PCDH17: variants seen among roughly 807,000 people sequenced by gnomAD.
PCDH17 encodes protocadherin-17.
A neutral mutation model predicts 67.7 loss-of-function variants in PCDH17; 21 were observed. That is an observed-to-expected ratio of 0.31 (90% CI 0.22 to 0.45). The LOEUF is 0.45. Ranked by LOEUF, PCDH17 falls within the 20% of genes least tolerant of loss-of-function variation. PCDH17 has a pLI of 1.00. For synonymous variants in PCDH17, 701 were observed against 656.7 expected (o/e 1.07, Z -1.03); for missense variants, 1,471 against 1,564.8 (o/e 0.94, Z 1.01).
chr13:57,633,559 CG>C lies in PCDH17; in HGVS notation c.1015del (p.Val339SerfsTer23). The C allele has an allele frequency of 6.2e-7, 1 of 1,613,730 alleles. No individual in the cohort carries two copies. Among genetic ancestry groups the C allele is most frequent in the Non-Finnish European group, 8.5e-7 (1 of 1,180,034 alleles). ...CCTATCCCAGCCCACTGCAAAGTCA[CG>C]GTCAAGCTCATCGACCGCAACGACA... ...PNPIPAHCKV[T>X]VKLIDRNDNA... On this transcript the variant is annotated frameshift_variant, in exon 1 of 4. Coordinates refer to ENST00000377918, the MANE Select transcript of PCDH17 (RefSeq NM_001040429.3). LOFTEE classifies it high-confidence loss of function. This position sits in a 1 kb window ranked among gnomAD's most constrained non-coding sequence, Gnocchi z 6.2.
At chr13:57,711,755 C>T (rs1343328037) in intron 3 of PCDH17, among the ~76,000 whole-genome samples, 1 of 150,840 alleles carries the variant, frequency 6.6e-6, no homozygotes, top group Admixed American at 6.6e-5. Context: ...CATTTTGTCT[C>T]TATGTTATAA....
intron 3 of PCDH17, among the ~76,000 whole-genome samples, chr13:57,672,582 G>A (rs1032572589): frequency 2.0e-5 from 3 of 151,958 alleles, no homozygotes; most frequent in African/African-American, 7.2e-5. Context: ...GTGCCCACCT[G>A]GGGACGAATG....
intron 3 of PCDH17, 82 bp from the exon 4 acceptor site, chr13:57,724,530 A>G: frequency 8.9e-7 from 1 of 1,126,392 alleles, no homozygotes; most frequent in Non-Finnish European, 1.3e-6. Flanking sequence ...AAGCAAGCCC[A>G]TTGAGAGCTG....
rs142577089 is a variant in PCDH17, at chr13:57,681,944, G to A, written c.2797+15111G>A. Among the ~76,000 whole-genome samples the A allele has an allele frequency of 4.5e-3, 689 of 151,800 alleles. 3 individuals carry two copies. Among genetic ancestry groups the A allele is most frequent in the African/African-American group, 0.016 (661 of 41,470 alleles). ...CACAAATTTAATTCCCCTTTAATGA[G>A]ACTCTACAATGTACAAAACTCTGTA... On this transcript the variant is annotated intron_variant, in intron 3 of 3. Coordinates refer to ENST00000377918, the MANE Select transcript of PCDH17 (RefSeq NM_001040429.3).
chr13:57,667,614 C>G (rs1486628375), intron 3 of PCDH17, among the ~76,000 whole-genome samples: 2 of 151,660 alleles, frequency 1.3e-5, no homozygotes, highest in Admixed American at 6.6e-5. Context: ...TAACAGTCTT[C>G]AGAACATTAG....
At chr13:57,720,533 G>A (rs954534780) in intron 3 of PCDH17, among the ~76,000 whole-genome samples, 2 of 151,508 alleles carry the variant, frequency 1.3e-5, no homozygotes, top group African/African-American at 4.8e-5. Flanking sequence ...ATAAAATATT[G>A]TCTTGTTTAT....
At chr13:57,641,576 AAAAAAAAAAAAATATATAT>A (rs1277604020) in intron 1 of PCDH17, among the ~76,000 whole-genome samples, 20 of 81,550 alleles carry the variant, frequency 2.5e-4, no homozygotes, top group African/African-American at 9.1e-4. Flanking sequence ...AAAAAAAAAA[AAAAAAAAAAAAATATATAT>A]ATATATATAT....
In PCDH17 at chr13:57,713,944, G is replaced by A. The variant is rs181664474; in HGVS notation, c.2798-10668G>A. Among the ~76,000 whole-genome samples the A allele has an allele frequency of 1.2e-4, 18 of 151,546 alleles. No individual in the cohort carries two copies. The East Asian group carries it at 2.9e-3, about 25-fold the overall frequency. On this transcript the variant is annotated intron_variant, in intron 3 of 3. Transcript: ENST00000377918. The stretch of plus-strand genomic sequence containing the variant: ...GAAAATACTTGTCTGAGCAAGACAC[G>A]GATCTGTTCGTGTACACATGCCCAC...
chr13:57,664,813 T>G (rs1955229758), intron 1 of PCDH17, among the ~76,000 whole-genome samples: 1 of 152,238 alleles, frequency 6.6e-6, no homozygotes, highest in Admixed American at 6.5e-5. Flanking sequence ...AATTATAGTT[T>G]AAAAATTTTT....
At chr13:57,642,227 G>T (rs895471663) in intron 1 of PCDH17, among the ~76,000 whole-genome samples, 1 of 151,554 alleles carries the variant, frequency 6.6e-6, no homozygotes, top group Non-Finnish European at 1.5e-5. Context: ...TTTTTAATTA[G>T]TGGAACACAT....
intron 1 of PCDH17, among the ~76,000 whole-genome samples, chr13:57,657,305 T>C (rs560829752): frequency 6.6e-6 from 1 of 152,292 alleles, no homozygotes; most frequent in Admixed American, 6.5e-5. Flanking sequence ...CTCAATATTG[T>C]AAGAATACCC....
intron 3 of PCDH17, among the ~76,000 whole-genome samples, chr13:57,668,486 C>T: frequency 6.6e-6 from 1 of 152,090 alleles, no homozygotes; most frequent in East Asian, 1.9e-4. Context: ...TCATGCCAAC[C>T]ACTAACTTAG....
chr13:57,706,477 T>C (rs963234258), intron 3 of PCDH17, among the ~76,000 whole-genome samples: 4 of 152,164 alleles, frequency 2.6e-5, no homozygotes, highest in African/African-American at 9.6e-5. Flanking sequence ...ATTAGTTTCC[T>C]AGGGCTGCTA....
chr13:57,645,622 G>A (rs1470562019), intron 1 of PCDH17, among the ~76,000 whole-genome samples: 1 of 151,172 alleles, frequency 6.6e-6, no homozygotes, highest in African/African-American at 2.4e-5. Flanking sequence ...CATGGAGAAA[G>A]ACAGGTGATC....
At chr13:57,647,524 CT>C (rs1183163310) in intron 1 of PCDH17, among the ~76,000 whole-genome samples, 6 of 151,704 alleles carry the variant, frequency 4.0e-5, no homozygotes, top group African/African-American at 1.5e-4. Flanking sequence ...AAATGTTTAA[CT>C]ATATGCACAT....
intron 3 of PCDH17, among the ~76,000 whole-genome samples, chr13:57,692,747 G>A (rs1054781581): frequency 6.6e-6 from 1 of 150,524 alleles, no homozygotes; most frequent in Non-Finnish European, 1.5e-5. Context: ...CTTTCAAAGG[G>A]GAGAAGAAAA....
Position 57,632,538 on chromosome 13 carries a change from A to G in PCDH17, c.-9A>G, listed in dbSNP as rs1954739815. ...CCGATTGCTCCTGCCCCCACCTTAC[A>G]GGTCTGGGATGTACCTTTCCATCTG... On this transcript the variant is annotated 5_prime_UTR_variant, in exon 1 of 4. Coordinates refer to ENST00000377918, the MANE Select transcript of PCDH17 (RefSeq NM_001040429.3). 1.2e-6 allele frequency: 2 copies of G among 1,611,244 alleles called. No homozygotes were observed. The highest frequency in any genetic ancestry group is 1.7e-6 in the Non-Finnish European group (2 of 1,178,740).
At chr13:57,692,861 C>T (rs971911236) in intron 3 of PCDH17, among the ~76,000 whole-genome samples, 2 of 151,098 alleles carry the variant, frequency 1.3e-5, no homozygotes, top group African/African-American at 2.4e-5. Flanking sequence ...TATGTATTTT[C>T]AGCAGTAAGG....
At chr13:57,654,435 A>C (rs184132712) in intron 1 of PCDH17, among the ~76,000 whole-genome samples, 1 of 152,196 alleles carries the variant, frequency 6.6e-6, no homozygotes, top group Admixed American at 6.5e-5. Context: ...GTGCCTGTAA[A>C]AATTGCACCA....
Sources: allele counts gnomAD v4.1 joint callset (sites outside exome capture counted in the v4.1 genomes callset), GRCh38; gene constraint gnomAD v4.1.1; non-coding constraint Gnocchi (gnomAD v3.1); transcripts MANE v1.5; gene names NCBI Gene and HGNC (gene_info 2026-07-23, HGNC 2026-07-21).